Variants in SRGAP2 observed in about 807,000 individuals in gnomAD.
The protein encoded by SRGAP2 is SLIT-ROBO Rho GTPase activating protein 2, also known as SLIT-ROBO Rho GTPase-activating protein 2.
Under a neutral mutation model 57.2 loss-of-function variants are expected in SRGAP2, and 15 were observed. The observed-to-expected ratio is 0.26, with a 90% CI of 0.18 to 0.40. The LOEUF is 0.40. Among genes scored for constraint, SRGAP2 ranks in the 10% least tolerant of loss-of-function variants. The probability of loss-of-function intolerance (pLI) is 1.00; values close to 1 mark genes in which losing one functional copy is unlikely to be tolerated. For missense variants in SRGAP2, 520 were observed against 669.6 expected, an observed-to-expected ratio of 0.78 and a Z score of 2.47; for synonymous variants, 249 against 248.0, an observed-to-expected ratio of 1.00 and a Z score of -0.04.
chr1:206,449,332 C>T (rs1464207384), intron 18 of SRGAP2, among the ~76,000 whole-genome samples: 3 of 147,174 alleles, frequency 2.0e-5, no homozygotes, highest in African/African-American at 7.6e-5. Flanking sequence ...TGCTCTGTCA[C>T]CCAGGCCAGA....
intron 4 of SRGAP2, among the ~76,000 whole-genome samples, chr1:206,370,787 A>G (rs1571979953): frequency 6.6e-6 from 1 of 152,264 alleles, no homozygotes; most frequent in South Asian, 2.1e-4. Context: ...AACAAATTTT[A>G]GTACAAAAAA....
intron 3 of SRGAP2, chr1:206,333,491 G>C: frequency 6.8e-7 from 1 of 1,472,292 alleles, no homozygotes; most frequent in East Asian, 2.3e-5. Context: ...TCTCTGGTGC[G>C]GGCGGCGCGG....
At chr1:206,323,104 A>C (rs1386754955) in intron 3 of SRGAP2, among the ~76,000 whole-genome samples, 1 of 151,084 alleles carries the variant, frequency 6.6e-6, no homozygotes, top group African/African-American at 2.4e-5. Flanking sequence ...ACCACTTGCA[A>C]TTGCAATCAA....
Position 206,454,320 on chromosome 1 carries a change from A to C in SRGAP2, c.2361-558A>C. 1.6e-6 allele frequency: 1 copy of C among 638,620 alleles called. No homozygotes were observed. The highest frequency in any genetic ancestry group is 2.7e-5 in the East Asian group (1 of 36,496). 39.6% of individuals were successfully genotyped at this position (638,620 alleles called of 1,614,324 possible). On this transcript the variant is annotated intron_variant, in intron 20 of 22. Coordinates refer to ENST00000573034, the MANE Select transcript of SRGAP2 (RefSeq NM_015326.5). The surrounding 1 kb of genome is among the most constrained non-coding windows in gnomAD (Gnocchi z 4.3). ...ATCAAGAGAAGATGAATTGTGGGGGAGAAGGGGCTTTCTTTGTCATCAGTA... is the reference window on the plus strand; with the variant it reads ...ATCAAGAGAAGATGAATTGTGGGGGCGAAGGGGCTTTCTTTGTCATCAGTA...
rs1163899818 is a variant in SRGAP2 at position 206,257,337 on chromosome 1, ATTTTTTTTT to A, written c.68-45935_68-45927del. 2.3e-4 allele frequency among the ~76,000 whole-genome samples: 17 copies of A among 74,520 alleles called. 1 individual carries two copies. Among genetic ancestry groups the A allele is most frequent in the African/African-American group, 8.5e-4 (15 of 17,604 alleles). The allele number at this position is 74,520 out of a possible 152,430, so 48.9% of individuals were successfully genotyped here. A position where few individuals can be genotyped will look rare whatever the true frequency, so the allele number is the denominator to read the frequency against. ...CAATTGTGCACCACTACACACTGCT[ATTTTTTTTT>A]TTTTTTTTGAGATGGGGTCTCACTC... On this transcript the variant is annotated intron_variant, in intron 2 of 22. Transcript: ENST00000573034.
chr1:206,220,907 A>C (rs1403606373), intron 2 of SRGAP2, among the ~76,000 whole-genome samples: 2 of 148,156 alleles, frequency 1.3e-5, no homozygotes, highest in African/African-American at 5.0e-5. Context: ...GCTAATTTCA[A>C]CCTGGCAGCC....
At chr1:206,303,516 G>A in intron 3 of SRGAP2, 43 bp downstream of exon 3, 1 of 1,073,998 alleles carries the variant, frequency 9.3e-7, no homozygotes, top group Non-Finnish European at 1.3e-6. Context: ...CTTGGAATAT[G>A]GGGTCCAGGG....
intron 4 of SRGAP2, among the ~76,000 whole-genome samples, chr1:206,375,127 A>G (rs1414128294): frequency 7.1e-6 from 1 of 141,706 alleles, no homozygotes; most frequent in Non-Finnish European, 1.5e-5. Flanking sequence ...GTAGAAGGGC[A>G]TATGTTTTCA....
chr1:206,421,167 T>C, intron 12 of SRGAP2, 83 bp from the exon 13 acceptor site: 1 of 707,728 alleles, frequency 1.4e-6, no homozygotes, highest in Admixed American at 2.2e-5. Context: ...TAAGAGTGAT[T>C]GTTTATCTCA....
At chr1:206,404,838 C>T (rs1658552993) in intron 8 of SRGAP2, 2 of 157,312 alleles carry the variant, frequency 1.3e-5, no homozygotes, top group African/African-American at 2.4e-5. Context: ...AGCCTCCTGA[C>T]CCACTTCTCT....
chr1:206,411,538 G>A (rs1553359618), intron 10 of SRGAP2, among the ~76,000 whole-genome samples: 1 of 152,188 alleles, frequency 6.6e-6, no homozygotes, highest in Non-Finnish European at 1.5e-5. Flanking sequence ...AAATTGACGG[G>A]GAGGAGGGGA....
intron 4 of SRGAP2, among the ~76,000 whole-genome samples, chr1:206,347,965 T>A (rs77530878): frequency 0.041 from 6,158 of 150,866 alleles, 222 homozygotes; most frequent in African/African-American, 0.11. Context: ...TCATTAAATG[T>A]GAGAATTGGC....
At chr1:206,280,227 G>A (rs1274560527) in intron 2 of SRGAP2, among the ~76,000 whole-genome samples, 16 of 135,670 alleles carry the variant, frequency 1.2e-4, no homozygotes, top group African/African-American at 4.5e-4. Flanking sequence ...TTACAGGAAC[G>A]TACCATTGCG....
intron 21 of SRGAP2, 50 bp downstream of exon 21, chr1:206,455,074 A>C (rs1380511053): frequency 2.6e-6 from 2 of 779,402 alleles, no homozygotes; most frequent in African/African-American, 3.4e-5. Flanking sequence ...TGCAACACCC[A>C]GCCTCACCCT....
In SRGAP2 at chr1:206,464,136, A is replaced by G. The variant is rs1321619931; in HGVS notation, c.*2716A>G. 1 of 152,564 alleles carries G rather than the reference A, an allele frequency of 6.6e-6. No homozygotes were observed. Among genetic ancestry groups the G allele is most frequent in the Non-Finnish European group, 1.5e-5 (1 of 68,024 alleles). The allele number at this position is 152,564 out of a possible 1,614,324, so 9.5% of individuals were successfully genotyped here. ...CCTCAGGGCGCCCTGGCTTCTCCCCAAGGAGATGAGGAGCGGTGATGCCAG... is the reference window on the plus strand; with the variant it reads ...CCTCAGGGCGCCCTGGCTTCTCCCCGAGGAGATGAGGAGCGGTGATGCCAG... On this transcript the variant is annotated 3_prime_UTR_variant, in exon 23 of 23. Transcript: ENST00000573034.
chr1:206,421,146 A>G, intron 12 of SRGAP2, 104 bp from the exon 13 acceptor site: 1 of 591,656 alleles, frequency 1.7e-6, no homozygotes, highest in Non-Finnish European at 3.1e-6. Context: ...TAAAAACTTT[A>G]CTTCTGGGTT....
chr1:206,336,079 A>T (rs1218050284), intron 3 of SRGAP2, among the ~76,000 whole-genome samples: 5 of 145,932 alleles, frequency 3.4e-5, no homozygotes, highest in South Asian at 2.3e-4. Context: ...GCTCTTGGGC[A>T]TGCTGTTCTC....
intron 17 of SRGAP2, among the ~76,000 whole-genome samples, chr1:206,444,890 C>G (rs1553373254): frequency 2.6e-5 from 4 of 152,146 alleles, no homozygotes; most frequent in Non-Finnish European, 4.4e-5. Flanking sequence ...CCCATCACGT[C>G]CATAATACCA....
At chr1:206,255,211 A>G (rs1412078936) in intron 2 of SRGAP2, among the ~76,000 whole-genome samples, 1 of 147,128 alleles carries the variant, frequency 6.8e-6, no homozygotes, top group African/African-American at 2.5e-5. Context: ...CCAGTTCAGG[A>G]GTTCCTCTTT....
Sources: gnomAD v4.1 joint callset for allele counts (sites outside exome capture counted in the v4.1 genomes callset) on GRCh38, gnomAD v4.1.1 for gene constraint, Gnocchi (gnomAD v3.1) non-coding constraint, MANE v1.5 for transcripts, NCBI Gene and HGNC (gene_info 2026-07-23, HGNC 2026-07-21) for gene names.